Variants in GYS2 observed in about 807,000 individuals in gnomAD.
GYS2 encodes glycogen synthase 2.
In GYS2, 80 loss-of-function variants were observed where a neutral mutation model predicts 85.6. The observed-to-expected ratio is 0.93, with a 90% CI of 0.78 to 1.13. The LOEUF is 1.13. Ranked by LOEUF, GYS2 falls within the 50% of genes most tolerant of loss-of-function variation. The pLI is 0.00. For missense variants in GYS2, 881 were observed against 854.9 expected, an observed-to-expected ratio of 1.03 and a Z score of -0.38; for synonymous variants, 328 against 300.7, an observed-to-expected ratio of 1.09 and a Z score of -0.94.
chr12:21,585,702 AT>A (rs2136920213), intron 1 of GYS2, among the ~76,000 whole-genome samples: 1 of 152,352 alleles, frequency 6.6e-6, no homozygotes, highest in African/African-American at 2.4e-5. Flanking sequence ...TGTAATTGTC[AT>A]GAGTATTTCC....
chr12:21,588,653 A>T (rs1944600169), intron 1 of GYS2, among the ~76,000 whole-genome samples: 1 of 152,248 alleles, frequency 6.6e-6, no homozygotes, highest in Non-Finnish European at 1.5e-5. Flanking sequence ...ATCACAGTTC[A>T]GATGTTATGT....
At chr12:21,553,620 A>G (rs950712859) in intron 11 of GYS2, among the ~76,000 whole-genome samples, 7 of 152,250 alleles carry the variant, frequency 4.6e-5, no homozygotes, top group African/African-American at 1.2e-4. Flanking sequence ...TCAATTGCTC[A>G]TAGAATCAGA....
At chr12:21,546,094 G>A (rs1944036104) in intron 12 of GYS2, among the ~76,000 whole-genome samples, 1 of 151,906 alleles carries the variant, frequency 6.6e-6, no homozygotes, top group Non-Finnish European at 1.5e-5. Flanking sequence ...ATTCAATGAG[G>A]CAATACCTCA....
At chr12:21,535,838 C>G (rs1220656240), downstream of GYS2, among the ~76,000 whole-genome samples, 2 of 152,146 alleles carry the variant, frequency 1.3e-5, no homozygotes, top group African/African-American at 2.4e-5. Context: ...AAAAAGCAAT[C>G]CAAGAGTGTG....
At chr12:21,562,795 T>C (rs1944270909) in intron 7 of GYS2, 123 bp downstream of exon 7, 1 of 1,066,360 alleles carries the variant, frequency 9.4e-7, no homozygotes, top group Non-Finnish European at 1.4e-6. Context: ...CTGAAGCCAT[T>C]TTTAGAATAC....
At chr12:21,551,005 T>G (rs1460558523) in intron 11 of GYS2, among the ~76,000 whole-genome samples, 5 of 23,714 alleles carry the variant, frequency 2.1e-4, no homozygotes, top group Admixed American at 5.5e-4. Flanking sequence ...ACTTTTCTTT[T>G]TTTTTTAATT....
At chr12:21,550,802 G>T (rs1358226412) in intron 11 of GYS2, among the ~76,000 whole-genome samples, 3 of 152,086 alleles carry the variant, frequency 2.0e-5, no homozygotes. Context: ...TCAGCTGGGT[G>T]TGGTGGCATG....
chr12:21,580,348 G>T lies in GYS2; in HGVS notation c.297C>A (p.Gly99=). 1.2e-6 allele frequency: 2 copies of T among 1,612,990 alleles called. No homozygotes were observed. Among genetic ancestry groups the T allele is most frequent in the Non-Finnish European group, 1.7e-6 (2 of 1,179,234 alleles). The change falls in exon 2 of 16, where the codon GGC becomes GGA. Residue 99 remains glycine (G), a synonymous_variant. Transcript: ENST00000261195. ...GAAGTGTCAGTTCCTTTACCTGGCA[G>T]CCATGCTTATTCATTGCGTCCACTG... ...RRAVDAMNKH[G]CQVHFGRWLI... is the part of the protein sequence containing the mutation.
intron 13 of GYS2, among the ~76,000 whole-genome samples, chr12:21,540,896 T>C (rs1237463681): frequency 6.6e-6 from 1 of 152,098 alleles, no homozygotes; most frequent in East Asian, 1.9e-4. Flanking sequence ...GTGCCTTTTA[T>C]GTTCCCCAGT....
chr12:21,580,387 A>G lies in GYS2; in HGVS notation c.258T>C (p.Asp86=), dbSNP rs1165743047. ...TQVEQCEPVN[D]AVRRAVDAMN... ...TTGCGTCCACTGCTCTTCTGACAGCATCATTTACAGGTTCACACTGTTCCA... is the reference window on the plus strand; with the variant it reads ...TTGCGTCCACTGCTCTTCTGACAGCGTCATTTACAGGTTCACACTGTTCCA... Residue 86 remains aspartate (D), a synonymous_variant, in exon 2 of 16, where the codon GAT becomes GAC. Coordinates refer to ENST00000261195, the MANE Select transcript of GYS2 (RefSeq NM_021957.4). The G allele has an allele frequency of 4.3e-6, 7 of 1,613,846 alleles. No individual in the cohort carries two copies. Among genetic ancestry groups the G allele is most frequent in the African/African-American group, 2.7e-5 (2 of 74,900 alleles).
intron 12 of GYS2, among the ~76,000 whole-genome samples, chr12:21,543,369 G>A (rs1944001595): frequency 6.6e-6 from 1 of 151,984 alleles, no homozygotes; most frequent in African/African-American, 2.4e-5. Context: ...GTGGAGTTGT[G>A]GTTCTCTAAT....
At chr12:21,599,442 TACTC>T (rs1944730867) in intron 1 of GYS2, among the ~76,000 whole-genome samples, 1 of 152,176 alleles carries the variant, frequency 6.6e-6, no homozygotes, top group Admixed American at 6.5e-5. Flanking sequence ...TGGGAGGTGA[TACTC>T]ACACTTTGAA....
chr12:21,582,153 C>A lies in GYS2; in HGVS notation c.122-1630G>T, dbSNP rs527926412. On this transcript the variant is annotated intron_variant, in intron 1 of 15. Transcript: ENST00000261195. ...ACAAGGAACTCAACAACAAAAAAAC[C>A]AACCTCATTAGAAAGTGACTGTGAT... Among the ~76,000 whole-genome samples, 15 of 152,112 alleles carry A rather than the reference C, an allele frequency of 9.9e-5. No homozygotes were observed. The South Asian group carries it at 3.1e-3, about 32-fold the overall frequency.
rs920140345 is a variant in GYS2, at chr12:21,558,196, C to G, written c.1422+4G>C. On this transcript the variant is annotated splice_donor_region_variant and intron_variant, in intron 11 of 15. Coordinates refer to ENST00000261195, the MANE Select transcript of GYS2 (RefSeq NM_021957.4). ...AAGTTCGCCACATGAACAATTTGTT[C>G]TACCTTGACTCTATCTGTGCGGTTG... 4 of 1,548,964 alleles carry G rather than the reference C, an allele frequency of 2.6e-6. No individual in the cohort carries two copies. The highest frequency in any genetic ancestry group is 2.7e-5 in the African/African-American group (2 of 73,814).
chr12:21,596,802 G>C (rs1944701848), intron 1 of GYS2, among the ~76,000 whole-genome samples: 1 of 152,172 alleles, frequency 6.6e-6, no homozygotes. Flanking sequence ...TAAAGAGGAA[G>C]TCAAACTGTC....
intron 2 of GYS2, among the ~76,000 whole-genome samples, chr12:21,579,190 T>C (rs780286552): frequency 5.9e-5 from 9 of 152,142 alleles, no homozygotes; most frequent in Non-Finnish European, 1.0e-4. Flanking sequence ...ACGATTCCTG[T>C]TGGAGCTGTA....
intron 4 of GYS2, among the ~76,000 whole-genome samples, chr12:21,571,684 C>A (rs959703746): frequency 6.6e-6 from 1 of 152,034 alleles, no homozygotes; most frequent in African/African-American, 2.4e-5. Context: ...AAAAAAAGGC[C>A]GGGAGTGGTG....
At chr12:21,596,210 A>G (rs1334196282) in intron 1 of GYS2, among the ~76,000 whole-genome samples, 2 of 152,144 alleles carry the variant, frequency 1.3e-5, no homozygotes, top group South Asian at 4.1e-4. Context: ...TTTTGACACT[A>G]TTCTACAAGA....
intron 1 of GYS2, among the ~76,000 whole-genome samples, chr12:21,593,917 A>G (rs1052479400): frequency 6.6e-6 from 1 of 152,148 alleles, no homozygotes; most frequent in Non-Finnish European, 1.5e-5. Context: ...ATACACCATG[A>G]TCAAGTGGGA....
Sources: allele counts gnomAD v4.1 joint callset (sites outside exome capture counted in the v4.1 genomes callset), GRCh38; gene constraint gnomAD v4.1.1; transcripts MANE v1.5; gene names NCBI Gene and HGNC (gene_info 2026-07-23, HGNC 2026-07-21).